TMEM47: variants seen among roughly 807,000 people sequenced by gnomAD.
TMEM47 encodes brain cell membrane protein 1.
Under a neutral mutation model 12.4 loss-of-function variants are expected in TMEM47, and 3 were observed. The observed-to-expected ratio is 0.24, with a 90% confidence interval of 0.11 to 0.63. The LOEUF is 0.63. Ranked by LOEUF, TMEM47 falls within the 20% of genes least tolerant of loss-of-function variation. TMEM47 has a pLI of 0.86. For synonymous variants in TMEM47, 62 were observed against 63.3 expected (o/e 0.98, Z 0.10); for missense variants, 89 against 143.8 (o/e 0.62, Z 1.95).
At chrX:34,633,415 T>A (rs1921660370) in intron 2 of TMEM47, among the ~76,000 whole-genome samples, 1 of 110,852 alleles carries the variant, frequency 9.0e-6, no homozygotes, top group African/African-American at 3.3e-5. Flanking sequence ...AAAACTCCCA[T>A]CACAGGAGCA....
intron 2 of TMEM47, among the ~76,000 whole-genome samples, chrX:34,635,793 T>C (rs763031066): frequency 9.1e-6 from 1 of 109,490 alleles, no homozygotes; most frequent in African/African-American, 3.3e-5. Flanking sequence ...TAGGGAAAAG[T>C]TGTGGCCTCG....
chrX:34,656,464 G>A (rs1922109443), intron 1 of TMEM47, among the ~76,000 whole-genome samples: 1 of 110,240 alleles, frequency 9.1e-6, no homozygotes, highest in African/African-American at 3.3e-5. Flanking sequence ...CGGGGGTGTG[G>A]AAGGCGTCGC....
rs1031576659 is a variant in TMEM47, at chrX:34,628,678, T to A, written c.*1635A>T. On this transcript the variant is annotated 3_prime_UTR_variant, in exon 3 of 3. Coordinates refer to ENST00000275954, the MANE Select transcript of TMEM47 (RefSeq NM_031442.4). ...GTCCTGCTCTTAACAGATTTTGCAA[T>A]ACAGTAACATATAGCTACTTTTAAA... 5 of 111,116 alleles carry A rather than the reference T, an allele frequency of 4.5e-5. No individual in the cohort carries two copies. Among genetic ancestry groups the A allele is most frequent in the African/African-American group, 1.6e-4 (5 of 30,541 alleles). The allele number at this position is 111,116 out of a possible 1,213,427, so 9.2% of individuals were successfully genotyped here. A position where few individuals can be genotyped will look rare whatever the true frequency, so the allele number is the denominator to read the frequency against.
chrX:34,639,201 G>A, intron 2 of TMEM47, 46 bp downstream of exon 2: 1 of 1,149,741 alleles, frequency 8.7e-7, no homozygotes, highest in Non-Finnish European at 1.2e-6. Context: ...TGGTAGAAAG[G>A]TTCATGAAAC....
intron 1 of TMEM47, among the ~76,000 whole-genome samples, chrX:34,649,231 C>T (rs933550874): frequency 6.3e-5 from 7 of 111,758 alleles, no homozygotes; most frequent in Admixed American, 9.5e-5. Flanking sequence ...AATTGTTCTA[C>T]CATAAAGACA....
At position 34,630,066 on chromosome X, in the gene TMEM47, A is replaced by G. The variant is rs1921584667; in HGVS notation, c.*247T>C. On this transcript the variant is annotated 3_prime_UTR_variant, in exon 3 of 3. Coordinates refer to ENST00000275954, the MANE Select transcript of TMEM47 (RefSeq NM_031442.4). ...GACCCTTCATTTGTCAAGAAAAACG[A>G]TATGAACATATTGGAAGTTTGCAGC... 6.9e-6 allele frequency: 2 copies of G among 288,519 alleles called. No individual in the cohort carries two copies. The highest frequency in any genetic ancestry group is 5.3e-5 in the African/African-American group (2 of 37,409). 23.8% of individuals were successfully genotyped at this position (288,519 alleles called of 1,213,427 possible). A position where few individuals can be genotyped will look rare whatever the true frequency, so the allele number is the denominator to read the frequency against.
intron 1 of TMEM47, among the ~76,000 whole-genome samples, chrX:34,653,697 T>G (rs1042661765): frequency 1.8e-5 from 2 of 111,516 alleles, no homozygotes; most frequent in African/African-American, 3.3e-5. Context: ...AAACTAAATG[T>G]GACTAAGCAG....
At chrX:34,637,749 G>A (rs984686385) in intron 2 of TMEM47, among the ~76,000 whole-genome samples, 1 of 111,629 alleles carries the variant, frequency 9.0e-6, no homozygotes, top group Admixed American at 9.5e-5. Flanking sequence ...CATAGCACAC[G>A]GTACTAAATC....
intron 1 of TMEM47, among the ~76,000 whole-genome samples, chrX:34,650,275 C>T (rs1186397984): frequency 8.9e-6 from 1 of 111,859 alleles, no homozygotes; most frequent in Non-Finnish European, 1.9e-5. Context: ...AGCTTCCATA[C>T]ATGACATCAT....
At chrX:34,633,861 T>A (rs918275200) in intron 2 of TMEM47, among the ~76,000 whole-genome samples, 7 of 111,869 alleles carry the variant, frequency 6.3e-5, no homozygotes, top group Non-Finnish European at 1.3e-4. Flanking sequence ...AGACTTTTAT[T>A]GTGTTGGAGC....
Position 34,630,182 on chromosome X carries a change from A to T in TMEM47, c.*131T>A. On this transcript the variant is annotated 3_prime_UTR_variant, in exon 3 of 3. Coordinates refer to ENST00000275954, the MANE Select transcript of TMEM47 (RefSeq NM_031442.4). The stretch of plus-strand genomic sequence containing the variant: ...TATGATGTTGACAGCCAAAAGGCAA[A>T]AAAGATTAAATCAACTGAGCAAACT... The T allele has an allele frequency of 4.3e-6, 3 of 692,660 alleles. No homozygotes were observed. The highest frequency in any genetic ancestry group is 6.1e-6 in the Non-Finnish European group (3 of 490,289). The allele number at this position is 692,660 out of a possible 1,213,427, so 57.1% of individuals were successfully genotyped here. A position where few individuals can be genotyped will look rare whatever the true frequency, so the allele number is the denominator to read the frequency against.
chrX:34,644,084 A>G (rs1197357697), intron 1 of TMEM47, among the ~76,000 whole-genome samples: 1 of 111,244 alleles, frequency 9.0e-6, no homozygotes, highest in Non-Finnish European at 1.9e-5. Flanking sequence ...ATAACAGGAA[A>G]AAAAAAGTAA....
intron 1 of TMEM47, among the ~76,000 whole-genome samples, chrX:34,649,662 T>A (rs2147141705): frequency 9.0e-6 from 1 of 110,910 alleles, no homozygotes; most frequent in Non-Finnish European, 1.9e-5. Flanking sequence ...GACATGAGTT[T>A]ACCTATATAA....
At chrX:34,639,191 T>C in intron 2 of TMEM47, 56 bp downstream of exon 2, 1 of 1,134,174 alleles carries the variant, frequency 8.8e-7, no homozygotes, top group Non-Finnish European at 1.2e-6. Flanking sequence ...GAAAGGAAGA[T>C]GGTAGAAAGG....
At chrX:34,650,834 C>T (rs1170848015) in intron 1 of TMEM47, among the ~76,000 whole-genome samples, 6 of 111,663 alleles carry the variant, frequency 5.4e-5, no homozygotes, top group African/African-American at 2.0e-4. Flanking sequence ...GTTAGGTTCT[C>T]GAGTTCATTC....
chrX:34,655,802 A>G (rs866805989), intron 1 of TMEM47, among the ~76,000 whole-genome samples: 1 of 89,626 alleles, frequency 1.1e-5, no homozygotes, highest in African/African-American at 4.3e-5. Flanking sequence ...AAGAGAGAGA[A>G]AGAAAGAAAA....
intron 2 of TMEM47, among the ~76,000 whole-genome samples, chrX:34,633,838 G>A (rs1037979300): frequency 9.0e-6 from 1 of 111,254 alleles, no homozygotes; most frequent in Non-Finnish European, 1.9e-5. Flanking sequence ...ATACTCTCCC[G>A]AACAACTTTC....
intron 2 of TMEM47, among the ~76,000 whole-genome samples, chrX:34,638,309 A>T (rs1482119723): frequency 9.0e-6 from 1 of 111,545 alleles, no homozygotes; most frequent in Non-Finnish European, 1.9e-5. Flanking sequence ...GACACCCCCA[A>T]TTCTGACCAG....
At chrX:34,637,172 AT>A (rs1442054157) in intron 2 of TMEM47, among the ~76,000 whole-genome samples, 1 of 111,725 alleles carries the variant, frequency 9.0e-6, no homozygotes, top group East Asian at 2.8e-4. Context: ...TTATAAAAAT[AT>A]CTAATTCTGA....
Sources: gnomAD v4.1 joint callset for allele counts (sites outside exome capture counted in the v4.1 genomes callset) on GRCh38, gnomAD v4.1.1 for gene constraint, MANE v1.5 for transcripts, NCBI Gene and HGNC (gene_info 2026-07-23, HGNC 2026-07-21) for gene names.